CLVS2: variants seen among roughly 807,000 people sequenced by gnomAD.
CLVS2 encodes clavesin-2.
In CLVS2, 19 loss-of-function variants were observed where a neutral mutation model predicts 29.0. That is an observed-to-expected ratio of 0.66 (90% CI 0.46 to 0.96). The LOEUF (loss-of-function observed/expected upper bound fraction) is 0.96. Among genes scored for constraint, CLVS2 ranks in the 40% least tolerant of loss-of-function variants. CLVS2 has a pLI of 0.00. For synonymous variants in CLVS2, 161 were observed against 151.3 expected (o/e 1.06, Z -0.47); for missense variants, 294 against 404.1 (o/e 0.73, Z 2.34).
chr6:122,999,681 GA>G (rs1457819172), intron 2 of CLVS2, among the ~76,000 whole-genome samples: 1 of 152,058 alleles, frequency 6.6e-6, no homozygotes, highest in African/African-American at 2.4e-5. Context: ...TTTATTCAAG[GA>G]AAAAACTAAT....
intron 4 of CLVS2, 62 bp downstream of exon 4, chr6:123,048,794 A>G (rs949323819): frequency 1.0e-6 from 1 of 981,390 alleles, no homozygotes; most frequent in East Asian, 2.4e-5. Context: ...ATAATGCATA[A>G]TGTGTATATA....
intron 4 of CLVS2, 87 bp from the exon 5 acceptor site, chr6:123,055,719 G>T: frequency 1.1e-6 from 1 of 922,386 alleles, no homozygotes. Flanking sequence ...ATTTGCTATT[G>T]CTATCCTCAC....
intron 2 of CLVS2, among the ~76,000 whole-genome samples, chr6:123,001,645 G>A (rs780866539): frequency 6.6e-6 from 1 of 152,186 alleles, no homozygotes; most frequent in Non-Finnish European, 1.5e-5. Context: ...CGTCCTCCAT[G>A]TATTGCATAT....
At chr6:123,051,920 A>C (rs915712453) in intron 4 of CLVS2, among the ~76,000 whole-genome samples, 2 of 152,186 alleles carry the variant, frequency 1.3e-5, no homozygotes, top group African/African-American at 2.4e-5. Context: ...GAAAACAAAG[A>C]AAAATCCAAA....
intron 3 of CLVS2, among the ~76,000 whole-genome samples, chr6:123,012,476 C>A (rs766569778): frequency 4.6e-5 from 7 of 151,534 alleles, no homozygotes; most frequent in Admixed American, 1.3e-4. Flanking sequence ...CTGGAGAACT[C>A]ATATTTTTCT....
At chr6:123,031,135 A>G (rs1486824805) in intron 3 of CLVS2, among the ~76,000 whole-genome samples, 3 of 151,796 alleles carry the variant, frequency 2.0e-5, no homozygotes, top group African/African-American at 7.3e-5. Flanking sequence ...ATGCCTGGCT[A>G]ATTTTTTGTA....
intron 2 of CLVS2, among the ~76,000 whole-genome samples, chr6:123,002,391 T>G (rs1179338736): frequency 6.6e-6 from 1 of 152,264 alleles, no homozygotes; most frequent in South Asian, 2.1e-4. Flanking sequence ...AAAGCAAACA[T>G]TGTATGAATG....
At chr6:123,026,850 A>G (rs1462518095) in intron 3 of CLVS2, among the ~76,000 whole-genome samples, 1 of 152,204 alleles carries the variant, frequency 6.6e-6, no homozygotes, top group Admixed American at 6.5e-5. Flanking sequence ...AGTTAAAACA[A>G]AAAAGGGGAA....
At chr6:123,006,571 C>CA (rs1554200805) in intron 2 of CLVS2, among the ~76,000 whole-genome samples, 2 of 151,726 alleles carry the variant, frequency 1.3e-5, no homozygotes, top group African/African-American at 2.4e-5. Flanking sequence ...ATATAAAAGA[C>CA]AAAAAAATTT....
chr6:123,010,466 C>T (rs1774732023), intron 2 of CLVS2, among the ~76,000 whole-genome samples: 1 of 152,004 alleles, frequency 6.6e-6, no homozygotes, highest in Non-Finnish European at 1.5e-5. Context: ...ATATTTATCT[C>T]CTTCTCTTTC....
rs532901847 is a variant in CLVS2 at position 122,998,987 on chromosome 6, A to C, written c.389+821A>C. Among the ~76,000 whole-genome samples, 5 of 152,378 alleles carry C rather than the reference A, an allele frequency of 3.3e-5. No individual in the cohort carries two copies. In the East Asian group the frequency reaches 9.6e-4, roughly 29 times the overall value. On this transcript the variant is annotated intron_variant, in intron 2 of 5. Coordinates refer to ENST00000275162, the MANE Select transcript of CLVS2 (RefSeq NM_001010852.4). ...TTATTATAGAAAAATGCAGGCAATGACACTTCTCTGTCCTCCTTCAGAACT... is the reference window on the plus strand; with the variant it reads ...TTATTATAGAAAAATGCAGGCAATGCCACTTCTCTGTCCTCCTTCAGAACT...
In CLVS2 at chr6:122,997,756, A is replaced by G. The variant is rs1191935898; in HGVS notation, c.-22A>G. 1.2e-6 allele frequency: 2 copies of G among 1,607,266 alleles called. No homozygotes were observed. Among genetic ancestry groups the G allele is most frequent in the Middle Eastern group, 2.0e-4 (1 of 5,094 alleles). ...ACAGTCAACAAGGTCTTCTGAGGGAAAGCTCAGAGATAGGCAGAACAATGA... is the reference window on the plus strand; with the variant it reads ...ACAGTCAACAAGGTCTTCTGAGGGAGAGCTCAGAGATAGGCAGAACAATGA... On this transcript the variant is annotated 5_prime_UTR_variant, in exon 2 of 6. Transcript: ENST00000275162.
At chr6:123,047,887 G>C (rs879615541) in intron 3 of CLVS2, among the ~76,000 whole-genome samples, 12 of 152,002 alleles carry the variant, frequency 7.9e-5, no homozygotes, top group Admixed American at 5.2e-4. Context: ...TTGGGTTAAG[G>C]GTTCCCTTCA....
intron 3 of CLVS2, among the ~76,000 whole-genome samples, chr6:123,040,441 C>T (rs1026892601): frequency 4.6e-5 from 7 of 151,338 alleles, no homozygotes; most frequent in Non-Finnish European, 5.9e-5. Context: ...TCAAAACAGA[C>T]GAGAAAAAGA....
At chr6:123,048,769 G>A (rs571844738) in intron 4 of CLVS2, 37 bp downstream of exon 4, 5 of 1,236,174 alleles carry the variant, frequency 4.0e-6, no homozygotes, top group Admixed American at 1.7e-5. Flanking sequence ...TTTCTCTTCC[G>A]CCATCCAATG....
intron 3 of CLVS2, among the ~76,000 whole-genome samples, chr6:123,029,861 T>C (rs1342940851): frequency 1.3e-5 from 2 of 152,184 alleles, no homozygotes; most frequent in African/African-American, 4.8e-5. Context: ...ATGGAATTCA[T>C]AGGTAGCAAG....
chr6:123,014,059 C>T (rs181704383), intron 3 of CLVS2, among the ~76,000 whole-genome samples: 52 of 152,214 alleles, frequency 3.4e-4, no homozygotes, highest in African/African-American at 1.1e-3. Flanking sequence ...TCCAGTCTAT[C>T]GTTGTTGGAC....
At chr6:123,049,285 G>A (rs1772568163) in intron 4 of CLVS2, among the ~76,000 whole-genome samples, 1 of 152,060 alleles carries the variant, frequency 6.6e-6, no homozygotes, top group Admixed American at 6.6e-5. Context: ...CTAACAATGA[G>A]GATAGTCAAA....
rs1333368892 is a variant in CLVS2 at position 123,064,543 on chromosome 6, C to T, written c.*782C>T. 2.6e-5 allele frequency: 4 copies of T among 151,946 alleles called. No individual in the cohort carries two copies. The East Asian group carries it at 7.7e-4, about 29-fold the overall frequency. The allele number at this position is 151,946 out of a possible 1,614,324, so 9.4% of individuals were successfully genotyped here. A position where few individuals can be genotyped will look rare whatever the true frequency, so the allele number is the denominator to read the frequency against. On this transcript the variant is annotated 3_prime_UTR_variant, in exon 6 of 6. Transcript: ENST00000275162. ...CTAATGTACTCTAAGTACATTTCCC[C>T]TCCAAAACTCTTTGACTAAGAGAAT...
Sources: gnomAD v4.1 joint callset for allele counts (sites outside exome capture counted in the v4.1 genomes callset) on GRCh38, gnomAD v4.1.1 for gene constraint, MANE v1.5 for transcripts, NCBI Gene and HGNC (gene_info 2026-07-23, HGNC 2026-07-21) for gene names.